MAN1C1: variants seen among roughly 807,000 people sequenced by gnomAD.
The protein encoded by MAN1C1 is mannosidase alpha class 1C member 1.
A neutral mutation model predicts 71.5 loss-of-function variants in MAN1C1; 49 were observed. The observed-to-expected ratio is 0.69, with a 90% CI of 0.54 to 0.87. MAN1C1 has a LOEUF of 0.87. MAN1C1 is among the 40% of genes least tolerant of loss of function. MAN1C1 has a pLI of 0.00. For synonymous variants in MAN1C1, 352 were observed against 343.7 expected (o/e 1.02, Z -0.27); for missense variants, 743 against 835.0 (o/e 0.89, Z 1.36).
chr1:25,724,227 C>T (rs2046804735), intron 2 of MAN1C1, among the ~76,000 whole-genome samples: 1 of 152,108 alleles, frequency 6.6e-6, no homozygotes, highest in Non-Finnish European at 1.5e-5. Context: ...TGGGGTTTCA[C>T]CTTGTTGGCC....
At chr1:25,739,449 G>A (rs1042337117) in intron 2 of MAN1C1, among the ~76,000 whole-genome samples, 1 of 152,200 alleles carries the variant, frequency 6.6e-6, no homozygotes, top group South Asian at 2.1e-4. Flanking sequence ...GGGATATTGT[G>A]GGAATAGGCT....
chr1:25,618,150 G>A lies in MAN1C1; in HGVS notation c.353G>A (p.Arg118His), dbSNP rs1412753671. Reference protein sequence around the residue: ...GLRRTRPTGPREEATAARGNS... With the variant: ...GLRRTRPTGPHEEATAARGNS... ...CGGCGCACCCGCCCCACTGGACCCC[G>A]CGAGGAGGCCACGGCGGCCCGGGGC... is the stretch of plus-strand genomic sequence containing the variant. The change falls in exon 1 of 12, where the codon CGC (arginine) becomes CAC (histidine). Residue 118 changes from arginine (R) to histidine (H), a missense_variant. Transcript: ENST00000374332. 1 of 1,537,996 alleles carries A rather than the reference G, an allele frequency of 6.5e-7. No homozygotes were observed. The highest frequency in any genetic ancestry group is 2.0e-5 in the Admixed American group (1 of 49,380).
rs892178407 is a variant in MAN1C1 at position 25,743,478 on chromosome 1, C to G, written c.638-3190C>G. 4.6e-5 allele frequency among the ~76,000 whole-genome samples: 7 copies of G among 152,214 alleles called. No individual in the cohort carries two copies. In the South Asian group the frequency reaches 1.4e-3, roughly 32 times the overall value. The stretch of plus-strand genomic sequence containing the variant: ...GGATAGGGCCTTCTCTCCTGCCCAG[C>G]CTGACCGCTGAGTAGCCTCTGGACT... On this transcript the variant is annotated intron_variant, in intron 2 of 11. Transcript: ENST00000374332.
At chr1:25,754,360 T>A (rs930010554) in intron 5 of MAN1C1, among the ~76,000 whole-genome samples, 1 of 152,172 alleles carries the variant, frequency 6.6e-6, no homozygotes, top group African/African-American at 2.4e-5. Flanking sequence ...GACCCATGGC[T>A]CCGATCACTG....
intron 1 of MAN1C1, among the ~76,000 whole-genome samples, chr1:25,624,675 T>C (rs3767913): frequency 0.12 from 18,539 of 152,172 alleles, 2,661 homozygotes; most frequent in African/African-American, 0.32. Context: ...GCTGCCAAGG[T>C]GAACCTTCTG....
chr1:25,631,592 A>T lies in MAN1C1; in HGVS notation c.540+13255A>T, dbSNP rs139860200. On this transcript the variant is annotated intron_variant, in intron 1 of 11. Transcript: ENST00000374332. This position sits in a 1 kb window ranked among gnomAD's most constrained non-coding sequence, Gnocchi z 4.2. ...GACCATCCCTGCATCCCTGCTATGA[A>T]ACCCACTTGATCATGGTGTATTACA... Among the ~76,000 whole-genome samples the T allele has an allele frequency of 1.4e-3, 215 of 152,278 alleles. 1 individual carries two copies. Among genetic ancestry groups the T allele is most frequent in the African/African-American group, 4.5e-3 (187 of 41,542 alleles).
At chr1:25,644,355 G>A (rs2045580532) in intron 1 of MAN1C1, among the ~76,000 whole-genome samples, 1 of 151,614 alleles carries the variant, frequency 6.6e-6, no homozygotes, top group Admixed American at 6.6e-5. Context: ...AGAAGTGGGA[G>A]ACTGTGAGAC....
rs2124397561 is a variant in MAN1C1, at chr1:25,769,848, G to A, written c.1142-1809G>A. Among the ~76,000 whole-genome samples the A allele has an allele frequency of 6.6e-6, 1 of 152,360 alleles. No homozygotes were observed. Among genetic ancestry groups the A allele is most frequent in the African/African-American group, 2.4e-5 (1 of 41,590 alleles). On this transcript the variant is annotated intron_variant, in intron 7 of 11. Transcript: ENST00000374332. This position sits in a 1 kb window ranked among gnomAD's most constrained non-coding sequence, Gnocchi z 4.8. ...GCAAGGGGGGCCCACCACCCAAGGG[G>A]AGTGCTGCCGCCGAGGGCTTCAGAT...
chr1:25,702,105 C>G (rs2046452695), intron 2 of MAN1C1, among the ~76,000 whole-genome samples: 1 of 152,158 alleles, frequency 6.6e-6, no homozygotes, highest in Non-Finnish European at 1.5e-5. Context: ...TAGTTAGTTA[C>G]ATCCCCCAAA....
chr1:25,657,027 G>T (rs145543413), intron 1 of MAN1C1, among the ~76,000 whole-genome samples: 2,394 of 152,156 alleles, frequency 0.016, 170 homozygotes, highest in Admixed American at 0.12. Context: ...GGGTTTCACC[G>T]TGTTAGCCAG....
At chr1:25,703,089 G>A (rs575906871) in intron 2 of MAN1C1, among the ~76,000 whole-genome samples, 12 of 152,374 alleles carry the variant, frequency 7.9e-5, no homozygotes, top group South Asian at 2.1e-4. Flanking sequence ...ATTAAAAATA[G>A]CATCTCTGTT....
intron 1 of MAN1C1, among the ~76,000 whole-genome samples, chr1:25,650,501 T>C (rs1171054445): frequency 6.6e-6 from 1 of 152,202 alleles, no homozygotes; most frequent in Admixed American, 6.5e-5. Flanking sequence ...CTGAGGTTAT[T>C]TGGGGTCCTG....
Position 25,753,471 on chromosome 1 carries a change from C to T in MAN1C1, c.835-13C>T. The T allele has an allele frequency of 2.5e-6, 4 of 1,604,166 alleles. No individual in the cohort carries two copies. Among genetic ancestry groups the T allele is most frequent in the Non-Finnish European group, 3.4e-6 (4 of 1,173,044 alleles). ...GCCTGGAGTCAAAAGCCCTTTGATC[C>T]CCTCCTTTACAGGTGTTCCGAATAA... On this transcript the variant is annotated splice_polypyrimidine_tract_variant and intron_variant, in intron 4 of 11. Transcript: ENST00000374332. This position sits in a 1 kb window ranked among gnomAD's most constrained non-coding sequence, Gnocchi z 4.9.
intron 1 of MAN1C1, among the ~76,000 whole-genome samples, chr1:25,680,265 G>A (rs2046132936): frequency 6.6e-6 from 1 of 152,134 alleles, no homozygotes; most frequent in Admixed American, 6.6e-5. Context: ...ATTTCACCAT[G>A]TTGGCCAGGC....
chr1:25,738,344 G>A lies in MAN1C1; in HGVS notation c.638-8324G>A, dbSNP rs117487768. 8.5e-5 allele frequency among the ~76,000 whole-genome samples: 13 copies of A among 152,166 alleles called. No homozygotes were observed. In the East Asian group the frequency reaches 1.2e-3, roughly 14 times the overall value. Reference sequence around the variant, plus strand: ...CCAGTCCGTAAATGGGTTTTATGCCGCCAGAAGACCTCATCATATTAGACG... The same window carrying A: ...CCAGTCCGTAAATGGGTTTTATGCCACCAGAAGACCTCATCATATTAGACG... On this transcript the variant is annotated intron_variant, in intron 2 of 11. Coordinates refer to ENST00000374332, the MANE Select transcript of MAN1C1 (RefSeq NM_020379.4).
chr1:25,624,746 TCTC>T (rs572910227), intron 1 of MAN1C1, among the ~76,000 whole-genome samples: 65 of 152,264 alleles, frequency 4.3e-4, no homozygotes, highest in Non-Finnish European at 7.9e-4. Flanking sequence ...GAAGTTTTTC[TCTC>T]CTCCTTCCAC....
At position 25,749,294 on chromosome 1, in the gene MAN1C1, A is replaced by G. The variant is rs2047180406; in HGVS notation, c.793A>G (p.Ile265Val). ...CTTGTTTGAGGTGAACATCCGCTAC[A>G]TCGGGGGACTCCTCTCAGCCTTCTA... ...ASLFEVNIRY[I>V]GGLLSAFYLT... Residue 265 changes from isoleucine (I) to valine (V), a missense_variant, in exon 4 of 12, where the codon ATC becomes GTC. Ile to Val is a conservative substitution (Grantham distance 29). Transcript: ENST00000374332. The G allele has an allele frequency of 1.9e-6, 3 of 1,612,484 alleles. No individual in the cohort carries two copies. Among genetic ancestry groups the G allele is most frequent in the East Asian group, 2.2e-5 (1 of 44,892 alleles).
At chr1:25,722,843 T>G (rs1190470745) in intron 2 of MAN1C1, among the ~76,000 whole-genome samples, 1 of 152,172 alleles carries the variant, frequency 6.6e-6, no homozygotes, top group Non-Finnish European at 1.5e-5. Flanking sequence ...TGACTGATAA[T>G]CCCAGTAGGA....
At chr1:25,717,693 G>A (rs1340975243) in intron 2 of MAN1C1, among the ~76,000 whole-genome samples, 2 of 151,650 alleles carry the variant, frequency 1.3e-5, no homozygotes, top group Non-Finnish European at 2.9e-5. Context: ...CTCCTCCTGA[G>A]TAGCTGGGAT....
Sources: gnomAD v4.1 joint callset for allele counts (sites outside exome capture counted in the v4.1 genomes callset) on GRCh38, gnomAD v4.1.1 for gene constraint, Gnocchi (gnomAD v3.1) non-coding constraint, MANE v1.5 for transcripts, NCBI Gene and HGNC (gene_info 2026-07-23, HGNC 2026-07-21) for gene names.